FANCB: variants seen among roughly 807,000 people sequenced by gnomAD.
FANCB encodes the protein Fanconi anemia group B protein.
Under a neutral mutation model 38.9 loss-of-function variants are expected in FANCB, and 5 were observed. The observed-to-expected ratio is 0.13, with a 90% CI of 0.07 to 0.27. The LOEUF (loss-of-function observed/expected upper bound fraction) is 0.27. FANCB is among the 10% of genes least tolerant of loss of function. The probability of loss-of-function intolerance (pLI) is 1.00; values close to 1 mark genes in which losing one functional copy is unlikely to be tolerated. For missense variants in FANCB, 573 were observed against 602.7 expected (o/e 0.95, Z 0.52); for synonymous variants, 236 against 215.4 (o/e 1.10, Z -0.84).
the FANCB span, among the ~76,000 whole-genome samples, chrX:14,805,084 G>A: frequency 9.0e-6 from 1 of 111,224 alleles, no homozygotes; most frequent in Non-Finnish European, 1.9e-5. Flanking sequence ...TCACTCTGTC[G>A]CCTCAAACTC....
chrX:14,770,394 C>T, the FANCB span, among the ~76,000 whole-genome samples: 47 of 109,913 alleles, frequency 4.3e-4, no homozygotes, highest in Middle Eastern at 4.6e-3. Context: ...CCATTATGCC[C>T]TTCTTTGTCT....
the FANCB span, among the ~76,000 whole-genome samples, chrX:14,806,029 A>G: frequency 3.6e-5 from 4 of 112,480 alleles, no homozygotes; most frequent in Admixed American, 9.4e-5. Flanking sequence ...CTGAAAACAC[A>G]TGTTTCCAAA....
At chrX:14,786,793 T>C in the FANCB span, among the ~76,000 whole-genome samples, 173 of 111,444 alleles carry the variant, frequency 1.6e-3, no homozygotes, top group African/African-American at 5.2e-3. Flanking sequence ...GAGAACACTA[T>C]GGTATCAGCC....
chrX:14,706,706 C>A, the FANCB span, among the ~76,000 whole-genome samples: 1 of 111,605 alleles, frequency 9.0e-6, no homozygotes, highest in Non-Finnish European at 1.9e-5. Flanking sequence ...TTCACATACA[C>A]AAGGAGGAAA....
At chrX:14,798,135 GT>G in the FANCB span, among the ~76,000 whole-genome samples, 6,822 of 102,862 alleles carry the variant, frequency 0.066, 274 homozygotes, top group African/African-American at 0.14. Context: ...TTTTGTTTTT[GT>G]TTTTTTTTTG....
the FANCB span, chrX:14,730,281 T>C: frequency 8.3e-7 from 1 of 1,204,172 alleles, no homozygotes; most frequent in Non-Finnish European, 1.1e-6. Flanking sequence ...AAGTGAAAGA[T>C]GGAACAGCTG....
chrX:14,833,670 G>GGT (rs1327568354), downstream of FANCB, among the ~76,000 whole-genome samples: 1 of 41,684 alleles, frequency 2.4e-5, no homozygotes, highest in Non-Finnish European at 4.2e-5. Flanking sequence ...GGGGAGGCTG[G>GGT]GTGTGGGGGG....
At chrX:14,835,550 G>C (rs190395776), downstream of FANCB, among the ~76,000 whole-genome samples, 2 of 111,906 alleles carry the variant, frequency 1.8e-5, no homozygotes, top group Admixed American at 1.9e-4. Flanking sequence ...CTCAATTTCT[G>C]ATTTAGCAGG....
At chrX:14,836,748 A>T (rs2092342252) in intron 10 of FANCB, among the ~76,000 whole-genome samples, 1 of 112,065 alleles carries the variant, frequency 8.9e-6, no homozygotes, top group South Asian at 3.7e-4. Context: ...CTTTAATCTT[A>T]CAACCGCCCC....
At chrX:14,760,907 G>A in the FANCB span, among the ~76,000 whole-genome samples, 1 of 111,511 alleles carries the variant, frequency 9.0e-6, no homozygotes, top group Non-Finnish European at 1.9e-5. Context: ...GGAGGCCGAG[G>A]TTGCAGTGAG....
the FANCB span, among the ~76,000 whole-genome samples, chrX:14,819,011 T>C: frequency 8.9e-6 from 1 of 112,675 alleles, no homozygotes; most frequent in South Asian, 3.6e-4. Flanking sequence ...TCATCTTCCA[T>C]TAATATTCAA....
the FANCB span, chrX:14,731,543 T>TAAG: frequency 8.9e-6 from 1 of 111,920 alleles, no homozygotes; most frequent in East Asian, 2.8e-4. Context: ...TCAGTCAATA[T>TAAG]AAGTGAACAT....
At chrX:14,825,182 G>A in the FANCB span, among the ~76,000 whole-genome samples, 13 of 112,081 alleles carry the variant, frequency 1.2e-4, no homozygotes, top group Admixed American at 1.0e-3. Context: ...CATGAAGTGC[G>A]TGTGCTTTCT....
chrX:14,807,337 G>C, the FANCB span, among the ~76,000 whole-genome samples: 4 of 112,274 alleles, frequency 3.6e-5, no homozygotes, highest in Admixed American at 3.8e-4. Context: ...ATTTCTCTTG[G>C]ACTTCTATGC....
the FANCB span, among the ~76,000 whole-genome samples, chrX:14,712,057 C>T: frequency 1.8e-5 from 2 of 112,764 alleles, no homozygotes; most frequent in African/African-American, 6.4e-5. Flanking sequence ...AAAAAAATGC[C>T]ATCTAGCTTT....
chrX:14,722,393 G>A, the FANCB span, among the ~76,000 whole-genome samples: 1 of 111,037 alleles, frequency 9.0e-6, no homozygotes, highest in African/African-American at 3.3e-5. Context: ...TTGACATGGT[G>A]GCTCATGGTT....
chrX:14,862,409 T>C (rs746281760), intron 3 of FANCB: 16 of 111,220 alleles, frequency 1.4e-4, no homozygotes, highest in Non-Finnish European at 2.6e-4. Context: ...GAGAGTGCAC[T>C]AGAATACAAC....
the FANCB span, among the ~76,000 whole-genome samples, chrX:14,790,639 G>A: frequency 8.9e-6 from 1 of 112,192 alleles, no homozygotes; most frequent in East Asian, 2.8e-4. Flanking sequence ...CCTTATGGGC[G>A]ATCACATAGT....
At chrX:14,760,115 A>G in the FANCB span, among the ~76,000 whole-genome samples, 3 of 112,313 alleles carry the variant, frequency 2.7e-5, no homozygotes, top group Non-Finnish European at 5.6e-5. Flanking sequence ...AGACAAAATA[A>G]CCAGCTAACA....
Sources: allele counts gnomAD v4.1 joint callset (sites outside exome capture counted in the v4.1 genomes callset), GRCh38; gene constraint gnomAD v4.1.1; transcripts MANE v1.5; gene names NCBI Gene and HGNC (gene_info 2026-07-23, HGNC 2026-07-21).